TNFRSF13B: variants seen among roughly 807,000 people sequenced by gnomAD.
TNFRSF13B encodes TNF receptor superfamily member 13B.
Under a neutral mutation model 24.0 loss-of-function variants are expected in TNFRSF13B, and 34 were observed. The observed-to-expected ratio is 1.41, with a 90% CI of 1.08 to 1.88. TNFRSF13B has a LOEUF of 1.88. Among genes scored for constraint, TNFRSF13B ranks in the 40% most tolerant of loss-of-function variants. The pLI, the probability that TNFRSF13B is intolerant of heterozygous loss-of-function variation, is 0.00. For missense variants in TNFRSF13B, 415 were observed against 380.8 expected (o/e 1.09, Z -0.75); for synonymous variants, 173 against 150.3 (o/e 1.15, Z -1.10).
chr17:16,946,953 T>G (rs896605888), intron 3 of TNFRSF13B, among the ~76,000 whole-genome samples: 5 of 152,344 alleles, frequency 3.3e-5, no homozygotes, highest in Non-Finnish European at 1.5e-5. Context: ...TTTTAAGTGA[T>G]ACCTTTCCCT....
chr17:16,940,900 A>C, intron 3 of TNFRSF13B: 2 of 1,134,624 alleles, frequency 1.8e-6, no homozygotes, highest in Non-Finnish European at 2.2e-6. Flanking sequence ...AAGCTTCCTG[A>C]GTGAGCGTTT....
intron 1 of TNFRSF13B, among the ~76,000 whole-genome samples, chr17:16,961,102 C>G (rs1182470815): frequency 6.6e-6 from 1 of 152,118 alleles, no homozygotes; most frequent in Non-Finnish European, 1.5e-5. Flanking sequence ...GGAAAATAAG[C>G]AGCGTTAGAG....
At chr17:16,957,473 AGACG>A (rs938411334) in intron 1 of TNFRSF13B, among the ~76,000 whole-genome samples, 18 of 152,286 alleles carry the variant, frequency 1.2e-4, no homozygotes, top group African/African-American at 3.9e-4. Context: ...AAATCTGAGA[AGACG>A]TGAATATACT....
At position 16,940,504 on chromosome 17, in the gene TNFRSF13B, C is replaced by G. The variant is rs768819413; in HGVS notation, c.453G>C (p.Pro151=). ...CCTGATCTGCACTCAGCTTCAGCCC[C>G]GGGAGAGCTGCAAGACAGCATGAGA... The part of the protein sequence containing the change: ...HRGSEASPAL[P]GLKLSADQVA... The change falls in exon 4 of 5, where the codon CCG becomes CCC. Residue 151 remains proline, a synonymous_variant. Transcript: ENST00000261652. The G allele has an allele frequency of 5.0e-6, 8 of 1,613,320 alleles. No homozygotes were observed. The highest frequency in any genetic ancestry group is 1.7e-5 in the Admixed American group (1 of 59,980).
intron 1 of TNFRSF13B, among the ~76,000 whole-genome samples, chr17:16,971,347 T>G (rs2087742663): frequency 1.1e-5 from 1 of 89,120 alleles, no homozygotes. Context: ...AGACTCTGTC[T>G]CAAAAAACAA....
intron 3 of TNFRSF13B, among the ~76,000 whole-genome samples, chr17:16,946,578 T>A (rs2087549855): frequency 6.8e-6 from 1 of 146,734 alleles, no homozygotes; most frequent in Admixed American, 6.8e-5. Context: ...ATTTTTATTT[T>A]TATTTATTTA....
intron 1 of TNFRSF13B, among the ~76,000 whole-genome samples, chr17:16,961,744 A>T (rs986905572): frequency 9.8e-5 from 15 of 152,368 alleles, no homozygotes; most frequent in Admixed American, 7.8e-4. Flanking sequence ...ACCAGCAAAA[A>T]GTGGAAGTAG....
intron 1 of TNFRSF13B, among the ~76,000 whole-genome samples, chr17:16,964,810 A>G (rs1232928867): frequency 6.6e-6 from 1 of 152,162 alleles, no homozygotes; most frequent in East Asian, 1.9e-4. Context: ...TCAGTGACCC[A>G]GAGTGTGCCG....
intron 4 of TNFRSF13B, 33 bp from the exon 5 acceptor site, chr17:16,939,830 GC>G (rs747288099): frequency 1.2e-6 from 2 of 1,601,372 alleles, no homozygotes; most frequent in Admixed American, 1.7e-5. Flanking sequence ...CGTGGGCCAG[GC>G]CTGGCCCTGC....
intron 2 of TNFRSF13B, among the ~76,000 whole-genome samples, chr17:16,951,865 G>A (rs1243844797): frequency 6.6e-6 from 1 of 151,944 alleles, no homozygotes; most frequent in Non-Finnish European, 1.5e-5. Context: ...TCCAGCCTGA[G>A]CAACAAGAGC....
At chr17:16,951,368 C>G (rs1317724747) in intron 2 of TNFRSF13B, among the ~76,000 whole-genome samples, 1 of 152,176 alleles carries the variant, frequency 6.6e-6, no homozygotes, top group African/African-American at 2.4e-5. Context: ...AAGAACAAAA[C>G]AGCAAATTGT....
intron 3 of TNFRSF13B, chr17:16,941,030 A>G: frequency 4.2e-6 from 3 of 707,382 alleles, no homozygotes; most frequent in Non-Finnish European, 5.4e-6. Context: ...ACCTATGCAC[A>G]TCCTCCTATA....
At chr17:16,968,867 A>C (rs2087724028) in intron 1 of TNFRSF13B, among the ~76,000 whole-genome samples, 1 of 152,238 alleles carries the variant, frequency 6.6e-6, no homozygotes, top group Non-Finnish European at 1.5e-5. Context: ...AAGGCAACCC[A>C]ATTTTTATAT....
chr17:16,966,507 C>A (rs1452519657), intron 1 of TNFRSF13B, among the ~76,000 whole-genome samples: 3 of 152,174 alleles, frequency 2.0e-5, no homozygotes, highest in African/African-American at 4.8e-5. Context: ...AAGAGACAGG[C>A]AAATTCAAAC....
intron 3 of TNFRSF13B, 66 bp from the exon 4 acceptor site, chr17:16,940,577 A>G: frequency 8.9e-6 from 14 of 1,565,970 alleles, no homozygotes; most frequent in Non-Finnish European, 1.1e-5. Flanking sequence ...GGCTCAAGCA[A>G]TCCACATCCC....
Position 16,947,589 on chromosome 17 carries a change from A to G in TNFRSF13B, c.445+1149T>C, listed in dbSNP as rs554620434. ...GAAGACATGCAAGCAGCCAACAAAC[A>G]TGACAAAATGCTCAACATCACTGAT... On this transcript the variant is annotated intron_variant, in intron 3 of 4. Coordinates refer to ENST00000261652, the MANE Select transcript of TNFRSF13B (RefSeq NM_012452.3). Among the ~76,000 whole-genome samples, 3 of 152,358 alleles carry G rather than the reference A, an allele frequency of 2.0e-5. No homozygotes were observed. The South Asian group carries it at 6.2e-4, about 32-fold the overall frequency.
intron 1 of TNFRSF13B, among the ~76,000 whole-genome samples, chr17:16,966,448 C>T (rs758837274): frequency 6.6e-6 from 1 of 152,156 alleles, no homozygotes; most frequent in Non-Finnish European, 1.5e-5. Context: ...CATGAATAGA[C>T]AGTTCACAGT....
intron 3 of TNFRSF13B, among the ~76,000 whole-genome samples, 174 bp downstream of exon 3, chr17:16,948,564 G>A (rs1474503736): frequency 6.6e-6 from 1 of 152,142 alleles, no homozygotes; most frequent in Admixed American, 6.5e-5. Context: ...CAGACTTCTG[G>A]AAATGTTGCC....
intron 1 of TNFRSF13B, among the ~76,000 whole-genome samples, chr17:16,969,894 C>A (rs1420246676): frequency 6.6e-6 from 1 of 152,028 alleles, no homozygotes; most frequent in Non-Finnish European, 1.5e-5. Flanking sequence ...GGTTGGGGAG[C>A]AAAGAGGGAG....
Sources: gnomAD v4.1 joint callset for allele counts (sites outside exome capture counted in the v4.1 genomes callset) on GRCh38, gnomAD v4.1.1 for gene constraint, MANE v1.5 for transcripts, NCBI Gene and HGNC (gene_info 2026-07-23, HGNC 2026-07-21) for gene names.